The following CSAD variants were observed in gnomAD, a reference collection of about 807,000 sequenced individuals.
The protein encoded by CSAD is cysteine sulfinic acid decarboxylase.
A neutral mutation model predicts 61.5 loss-of-function variants in CSAD; 47 were observed. The observed-to-expected ratio is 0.76, with a 90% CI of 0.60 to 0.97. The LOEUF (loss-of-function observed/expected upper bound fraction) is 0.97. CSAD is among the 50% of genes least tolerant of loss of function. CSAD has a pLI of 0.00. For missense variants in CSAD, 611 were observed against 643.6 expected (o/e 0.95, Z 0.55); for synonymous variants, 245 against 252.7 (o/e 0.97, Z 0.29).
intron 10 of CSAD, among the ~76,000 whole-genome samples, chr12:53,162,779 A>G (rs1211661907): frequency 2.0e-5 from 3 of 151,632 alleles, no homozygotes; most frequent in Middle Eastern, 3.4e-3. Flanking sequence ...AAAAATACAT[A>G]GGCTGGGCGT....
chr12:53,177,845 G>A (rs1592366190), intron 2 of CSAD: 1 of 152,484 alleles, frequency 6.6e-6, no homozygotes, highest in East Asian at 1.9e-4. Flanking sequence ...TCTCCATGTT[G>A]GCCCAGCTGG....
Position 53,174,871 on chromosome 12 carries a change from C to A in CSAD, c.-49-1101G>T, listed in dbSNP as rs751943498. 4.3e-4 allele frequency among the ~76,000 whole-genome samples: 66 copies of A among 152,028 alleles called. 1 individual carries two copies. Among genetic ancestry groups the A allele is most frequent in the Admixed American group, 1.4e-3 (22 of 15,252 alleles). On this transcript the variant is annotated intron_variant, in intron 2 of 16. Coordinates refer to ENST00000444623, the MANE Select transcript of CSAD (RefSeq NM_001244705.2). ...CAAATCATCAGGCTCAAGGAATGTC[C>A]CTTGCACATCATGTGGTTTCCCAAC...
At position 53,173,746 on chromosome 12, in the gene CSAD, C is replaced by T. The variant is rs547221277; in HGVS notation, c.-25G>A. 286 of 1,612,542 alleles carry T rather than the reference C, an allele frequency of 1.8e-4. 3 individuals are homozygous for T. The Middle Eastern group carries it at 0.015, about 87-fold the overall frequency. ...AGCTTACCTCTCTGCTCAGGAGAGCCGGAGGCAGGGTGCACAGGTAGCTCC... is the reference window on the plus strand; with the variant it reads ...AGCTTACCTCTCTGCTCAGGAGAGCTGGAGGCAGGGTGCACAGGTAGCTCC... On this transcript the variant is annotated 5_prime_UTR_variant, in exon 3 of 17. Coordinates refer to ENST00000444623, the MANE Select transcript of CSAD (RefSeq NM_001244705.2).
At chr12:53,179,839 C>CTTTA (rs1472173809) in intron 1 of CSAD, 39 of 1,613,590 alleles carry the variant, frequency 2.4e-5, no homozygotes, top group Non-Finnish European at 3.2e-5. Flanking sequence ...TGCAGTCCAT[C>CTTTA]TTTAGCAGGA....
rs1565642300 is a variant in CSAD at position 53,158,562 on chromosome 12, A to AGT, written c.1430_1431insAC (p.Asp478LeufsTer13). On this transcript the variant is annotated frameshift_variant, in exon 17 of 17. Coordinates refer to ENST00000444623, the MANE Select transcript of CSAD (RefSeq NM_001244705.2). LOFTEE classifies it high-confidence loss of function. ...GCTCGTTGAGGAGGAAGTCCATATC[A>AGT]GCACAGGTCAGTGCAGAGTTGGCCA... The AGT allele has an allele frequency of 6.2e-7, 1 of 1,613,396 alleles. No homozygotes were observed. Among genetic ancestry groups the AGT allele is most frequent in the Non-Finnish European group, 8.5e-7 (1 of 1,180,006 alleles).
At chr12:53,163,125 C>T (rs1939506874) in intron 10 of CSAD, among the ~76,000 whole-genome samples, 4 of 151,830 alleles carry the variant, frequency 2.6e-5, no homozygotes, top group Admixed American at 2.6e-4. Context: ...GTCCCAGCTA[C>T]CTGGGAGGCT....
chr12:53,171,045 C>G, intron 8 of CSAD: 1 of 595,662 alleles, frequency 1.7e-6, no homozygotes, highest in Non-Finnish European at 3.1e-6. Context: ...TAACAAGCCC[C>G]AGGTCATACC....
rs1012680657 is a variant in CSAD at position 53,162,188 on chromosome 12, G to A, written c.703-799C>T. Among the ~76,000 whole-genome samples the A allele has an allele frequency of 5.3e-5, 8 of 151,988 alleles. No homozygotes were observed. The East Asian group carries it at 7.7e-4, about 15-fold the overall frequency. Reference sequence around the variant, plus strand: ...AAGCCGAGGCAGAGGCATGAGAATCGCTTGAACCCGGGAGGCAGAGGTTGC... The same window carrying A: ...AAGCCGAGGCAGAGGCATGAGAATCACTTGAACCCGGGAGGCAGAGGTTGC... On this transcript the variant is annotated intron_variant, in intron 10 of 16. Transcript: ENST00000444623.
chr12:53,172,792 A>C, intron 4 of CSAD, 144 bp from the exon 5 acceptor site: 1 of 956,870 alleles, frequency 1.0e-6, no homozygotes, highest in South Asian at 1.7e-5. Flanking sequence ...AAAATGAACA[A>C]GAGTAGTGAA....
rs201197246 is a variant in CSAD, at chr12:53,160,168, C to T, written c.1118G>A (p.Gly373Asp). 3.3e-5 allele frequency: 53 copies of T among 1,614,056 alleles called. No individual in the cohort carries two copies. The East Asian group carries it at 1.1e-3, about 35-fold the overall frequency. ...GATGCGCCGCTCCAGCCCTTGATCG[C>T]CCTGTGCCTTCCACATGAGCCACAG... Reference protein sequence around the residue: ...LKLWLMWKAQGDQGLERRIDQ... With the variant: ...LKLWLMWKAQDDQGLERRIDQ... The change falls in exon 14 of 17, where the codon GGC becomes GAC. Residue 373 changes from glycine (G) to aspartate (D), a missense_variant. By Grantham distance (94) the Gly-to-Asp change is moderately conservative. Coordinates refer to ENST00000444623, the MANE Select transcript of CSAD (RefSeq NM_001244705.2).
intron 8 of CSAD, 44 bp from the exon 9 acceptor site, chr12:53,170,546 G>T: frequency 6.8e-7 from 1 of 1,475,932 alleles, no homozygotes; most frequent in Non-Finnish European, 9.5e-7. Context: ...CTTGATGGGG[G>T]AGGGGAGAGA....
chr12:53,180,632 G>A (rs1941528170), intron 1 of CSAD, 100 bp downstream of exon 1: 1 of 1,283,766 alleles, frequency 7.8e-7, no homozygotes, highest in Non-Finnish European at 1.0e-6. Context: ...TAGTCTAGCT[G>A]CCGAGCCCGG....
At chr12:53,159,861 G>A (rs372076168) in intron 15 of CSAD, 26 bp downstream of exon 15, 1 of 1,577,920 alleles carries the variant, frequency 6.3e-7, no homozygotes, top group Non-Finnish European at 8.6e-7. Flanking sequence ...CTGGGGCAGG[G>A]GCCACAAAAT....
At position 53,173,445 on chromosome 12, in the gene CSAD, G is replaced by A. The variant is rs748692626; in HGVS notation, c.26C>T (p.Ser9Phe). The change falls in exon 4 of 17, where the codon TCC (serine) becomes TTC (phenylalanine). Residue 9 changes from serine (S) to phenylalanine (F), a missense_variant. By Grantham distance (155) the Ser-to-Phe change is radical. Coordinates refer to ENST00000444623, the MANE Select transcript of CSAD (RefSeq NM_001244705.2). MADSEALP[S>F]LAGDPVAVEA... Reference sequence around the variant, plus strand: ...CACAGCCACTGGGTCCCCAGCAAGGGAGGGGAGTGCTTCTGAGTCAGCCAT... The same window carrying A: ...CACAGCCACTGGGTCCCCAGCAAGGAAGGGGAGTGCTTCTGAGTCAGCCAT... The A allele has an allele frequency of 3.7e-6, 6 of 1,614,188 alleles. No individual in the cohort carries two copies. In the South Asian group the frequency reaches 6.6e-5, roughly 18 times the overall value.
At chr12:53,175,717 C>T (rs1285223448) in intron 2 of CSAD, among the ~76,000 whole-genome samples, 2 of 152,144 alleles carry the variant, frequency 1.3e-5, no homozygotes, top group East Asian at 3.8e-4. Context: ...TTTGCAGGTA[C>T]TGGAAAAAAT....
At chr12:53,170,221 T>C (rs1940397141) in intron 9 of CSAD, 95 bp from the exon 10 acceptor site, 1 of 1,233,252 alleles carries the variant, frequency 8.1e-7, no homozygotes, top group Admixed American at 1.9e-5. Context: ...CAGTGCTAGT[T>C]TTTCCCTCAG....
intron 10 of CSAD, among the ~76,000 whole-genome samples, chr12:53,168,711 T>G (rs1940202981): frequency 6.6e-6 from 1 of 152,196 alleles, no homozygotes; most frequent in Admixed American, 6.5e-5. Context: ...ATTTATACAG[T>G]GCATCTATGT....
Position 53,172,577 on chromosome 12 carries a change from T to C in CSAD, c.198A>G (p.Ser66=), listed in dbSNP as rs149093823. Residue 66 remains serine (S), a synonymous_variant, in exon 5 of 17, where the codon TCA becomes TCG. Coordinates refer to ENST00000444623, the MANE Select transcript of CSAD (RefSeq NM_001244705.2). ...GACACCGCTCCAGGATCTGCTTCTGTGACTCGCCCTGGCTCCGCAGCTCCA... is the reference window on the plus strand; with the variant it reads ...GACACCGCTCCAGGATCTGCTTCTGCGACTCGCCCTGGCTCCGCAGCTCCA... ...LDLELRSQGE[S]QKQILERCRA... The C allele has an allele frequency of 2.3e-4, 364 of 1,612,962 alleles. No individual in the cohort carries two copies. Among genetic ancestry groups the C allele is most frequent in the Non-Finnish European group, 2.7e-4 (314 of 1,179,582 alleles).
At position 53,159,679 on chromosome 12, in the gene CSAD, G is replaced by T; in HGVS notation, c.1252C>A (p.Pro418Thr). The stretch of plus-strand genomic sequence containing the variant: ...TCCTGCTTCCCTCGCAGGCTGGGGG[G>T]TACGAACCAGAAACACACATTGACA... ...EFVNVCFWFV[P>T]PSLRGKQESP... Residue 418 changes from proline to threonine, a missense_variant, in exon 16 of 17, where the codon CCC becomes ACC. Coordinates refer to ENST00000444623, the MANE Select transcript of CSAD (RefSeq NM_001244705.2). 3.1e-6 allele frequency: 5 copies of T among 1,611,346 alleles called. No individual in the cohort carries two copies. Among genetic ancestry groups the T allele is most frequent in the Non-Finnish European group, 4.2e-6 (5 of 1,178,804 alleles).
Sources: allele counts gnomAD v4.1 joint callset (sites outside exome capture counted in the v4.1 genomes callset), GRCh38; gene constraint gnomAD v4.1.1; transcripts MANE v1.5; gene names NCBI Gene and HGNC (gene_info 2026-07-23, HGNC 2026-07-21).